Variants in SRRM4 observed in about 807,000 individuals in gnomAD.
The protein encoded by SRRM4 is serine/arginine repetitive matrix 4, also known as serine/arginine repetitive matrix protein 4.
Under a neutral mutation model 68.9 loss-of-function variants are expected in SRRM4, and 33 were observed. That is an observed-to-expected ratio of 0.48 (90% CI 0.36 to 0.64). The LOEUF is 0.64. Ranked by LOEUF, SRRM4 falls within the 30% of genes least tolerant of loss-of-function variation. The probability of loss-of-function intolerance (pLI) is 0.00; values close to 1 mark genes in which losing one functional copy is unlikely to be tolerated. For synonymous variants in SRRM4, 318 were observed against 318.8 expected, an observed-to-expected ratio of 1.00 and a Z score of 0.03; for missense variants, 817 against 827.1, an observed-to-expected ratio of 0.99 and a Z score of 0.15.
chr12:119,075,443 A>ATGATGG (rs1555217241), intron 1 of SRRM4, among the ~76,000 whole-genome samples: 6 of 142,032 alleles, frequency 4.2e-5, no homozygotes, highest in African/African-American at 1.1e-4. Context: ...GATGATGGTG[A>ATGATGG]TGATGATGGT....
intron 1 of SRRM4, among the ~76,000 whole-genome samples, chr12:119,065,636 G>A (rs1206688473): frequency 1.3e-5 from 2 of 152,182 alleles, no homozygotes; most frequent in Non-Finnish European, 2.9e-5. Context: ...TTAGGAGACT[G>A]AAGCAGGAGA....
In SRRM4 at chr12:119,159,743, T is replaced by A. The variant is rs1207391639; in HGVS notation, c.*2945T>A. ...CTCCACAGTACCTAATTTCTCTCTGTCCCCTGAGATCTGAAGGCTACCTTG... is the reference window on the plus strand; with the variant it reads ...CTCCACAGTACCTAATTTCTCTCTGACCCCTGAGATCTGAAGGCTACCTTG... On this transcript the variant is annotated 3_prime_UTR_variant, in exon 13 of 13. Transcript: ENST00000267260. 6.6e-6 allele frequency: 1 copy of A among 152,084 alleles called. No individual in the cohort carries two copies. The highest frequency in any genetic ancestry group is 2.4e-5 in the African/African-American group (1 of 41,390). The allele number at this position is 152,084 out of a possible 1,614,324, so 9.4% of individuals were successfully genotyped here. A position where few individuals can be genotyped will look rare whatever the true frequency, so the allele number is the denominator to read the frequency against.
chr12:119,159,728 C>T lies in SRRM4; in HGVS notation c.*2930C>T, dbSNP rs1220858072. ...TTACACATGCTTCCACTCCACAGTACCTAATTTCTCTCTGTCCCCTGAGAT... is the reference window on the plus strand; with the variant it reads ...TTACACATGCTTCCACTCCACAGTATCTAATTTCTCTCTGTCCCCTGAGAT... On this transcript the variant is annotated 3_prime_UTR_variant, in exon 13 of 13. Transcript: ENST00000267260. 1 of 152,138 alleles carries T rather than the reference C, an allele frequency of 6.6e-6. No individual in the cohort carries two copies. Among genetic ancestry groups the T allele is most frequent in the East Asian group, 1.9e-4 (1 of 5,190 alleles). The allele number at this position is 152,138 out of a possible 1,614,324, so 9.4% of individuals were successfully genotyped here.
At chr12:119,079,474 G>A (rs752641479) in intron 1 of SRRM4, among the ~76,000 whole-genome samples, 1 of 152,186 alleles carries the variant, frequency 6.6e-6, no homozygotes, top group Non-Finnish European at 1.5e-5. Context: ...GATCTGAATA[G>A]CAGGGATACT....
At chr12:119,065,254 G>C (rs1227484811) in intron 1 of SRRM4, among the ~76,000 whole-genome samples, 1 of 152,068 alleles carries the variant, frequency 6.6e-6, no homozygotes, top group Non-Finnish European at 1.5e-5. Context: ...ACATTGGTTG[G>C]GAACACACTG....
At chr12:119,145,716 C>A (rs548284933) in intron 9 of SRRM4, 31 bp downstream of exon 9, 2 of 1,464,296 alleles carry the variant, frequency 1.4e-6, no homozygotes, top group Admixed American at 2.6e-5. Context: ...CGGGGGTAGA[C>A]GGTCTCCCAC....
intron 1 of SRRM4, among the ~76,000 whole-genome samples, chr12:119,057,177 GT>G (rs1203363068): frequency 2.6e-5 from 4 of 152,230 alleles, no homozygotes; most frequent in East Asian, 1.9e-4. Context: ...AAATAGTTGG[GT>G]TTTTTTCTTC....
At chr12:119,017,971 C>T (rs188957888) in intron 1 of SRRM4, among the ~76,000 whole-genome samples, 1 of 152,338 alleles carries the variant, frequency 6.6e-6, no homozygotes, top group East Asian at 1.9e-4. Context: ...CCAACTTCCT[C>T]ATCACTAACG....
chr12:119,004,529 A>G (rs1045100139), intron 1 of SRRM4, among the ~76,000 whole-genome samples: 2 of 151,924 alleles, frequency 1.3e-5, no homozygotes, highest in African/African-American at 2.4e-5. Context: ...TTCTCCATTC[A>G]TTAGGATTCC....
At chr12:119,035,605 C>G (rs1953621642) in intron 1 of SRRM4, among the ~76,000 whole-genome samples, 1 of 152,002 alleles carries the variant, frequency 6.6e-6, no homozygotes, top group South Asian at 2.1e-4. Flanking sequence ...AAAAATTGAT[C>G]CTTTATCATT....
chr12:119,152,938 T>C (rs967954068), intron 10 of SRRM4, among the ~76,000 whole-genome samples: 2 of 152,196 alleles, frequency 1.3e-5, no homozygotes, highest in Non-Finnish European at 2.9e-5. Flanking sequence ...AAATTTGGCT[T>C]AGAGGCAAAC....
intron 8 of SRRM4, among the ~76,000 whole-genome samples, chr12:119,134,083 C>A (rs12831343): frequency 8.7e-4 from 132 of 152,010 alleles, no homozygotes; most frequent in Non-Finnish European, 1.4e-3. Flanking sequence ...AAAGAGGAGC[C>A]CAAGCATGAA....
chr12:118,995,584 T>A (rs1243196348), intron 1 of SRRM4, among the ~76,000 whole-genome samples: 1 of 152,178 alleles, frequency 6.6e-6, no homozygotes, highest in African/African-American at 2.4e-5. Flanking sequence ...TACATTAATG[T>A]AGAATGCTTT....
intron 1 of SRRM4, among the ~76,000 whole-genome samples, chr12:119,000,460 T>C (rs1207399034): frequency 6.6e-6 from 1 of 152,154 alleles, no homozygotes; most frequent in Non-Finnish European, 1.5e-5. Flanking sequence ...AACTTTCCAA[T>C]ACATTTGACC....
intron 1 of SRRM4, among the ~76,000 whole-genome samples, chr12:119,066,874 C>A (rs1247948121): frequency 6.6e-6 from 1 of 152,220 alleles, no homozygotes; most frequent in Non-Finnish European, 1.5e-5. Context: ...GCTCCCCCTC[C>A]CCCACATGAT....
intron 7 of SRRM4, among the ~76,000 whole-genome samples, chr12:119,129,143 G>A (rs1954278066): frequency 6.6e-6 from 1 of 152,190 alleles, no homozygotes; most frequent in African/African-American, 2.4e-5. Context: ...AAACATCTCT[G>A]AGCTTCGGCT....
intron 1 of SRRM4, among the ~76,000 whole-genome samples, chr12:119,040,876 A>C (rs1370430447): frequency 6.6e-6 from 1 of 151,940 alleles, no homozygotes; most frequent in Admixed American, 6.5e-5. Flanking sequence ...CAGCCTCCTG[A>C]GAAGCTGGGA....
chr12:119,137,587 G>GGAGAGA (rs55883419), intron 8 of SRRM4, among the ~76,000 whole-genome samples: 195 of 119,182 alleles, frequency 1.6e-3, no homozygotes, highest in African/African-American at 6.3e-3. Flanking sequence ...GGTTTGGAGT[G>GGAGAGA]GAGAGAGAGA....
In SRRM4 at chr12:119,033,497, C is replaced by G. The variant is rs372755163; in HGVS notation, c.131+51484C>G. Among the ~76,000 whole-genome samples the G allele has an allele frequency of 2.4e-4, 37 of 152,262 alleles. No individual in the cohort carries two copies. The South Asian group carries it at 6.6e-3, about 27-fold the overall frequency. On this transcript the variant is annotated intron_variant, in intron 1 of 12. Transcript: ENST00000267260. Reference sequence around the variant, plus strand: ...TGGCCCACATGGTGAAATCCCGTCTCTACTAAAAATACAAAAATTAGCTGG... The same window carrying G: ...TGGCCCACATGGTGAAATCCCGTCTGTACTAAAAATACAAAAATTAGCTGG...
Sources: gnomAD v4.1 joint callset for allele counts (sites outside exome capture counted in the v4.1 genomes callset) on GRCh38, gnomAD v4.1.1 for gene constraint, MANE v1.5 for transcripts, NCBI Gene and HGNC (gene_info 2026-07-23, HGNC 2026-07-21) for gene names.